The following CCDC175 variants were observed in gnomAD, a reference collection of about 807,000 sequenced individuals.
CCDC175 encodes the protein coiled-coil domain containing 175, also known as coiled-coil domain-containing protein 175.
Under a neutral mutation model 114.6 loss-of-function variants are expected in CCDC175, and 100 were observed. The observed-to-expected ratio is 0.87, with a 90% CI of 0.74 to 1.03. The LOEUF is 1.03. Among genes scored for constraint, CCDC175 ranks in the 50% least tolerant of loss-of-function variants. The probability of loss-of-function intolerance (pLI) is 0.00; values close to 1 mark genes in which losing one functional copy is unlikely to be tolerated. For missense variants in CCDC175, 880 were observed against 917.8 expected (o/e 0.96, Z 0.53); for synonymous variants, 306 against 308.7 (o/e 0.99, Z 0.09).
Position 59,568,245 on chromosome 14 carries a change from C to A in CCDC175, c.491G>T (p.Gly164Val), listed in dbSNP as rs778335225. The A allele has an allele frequency of 6.5e-7, 1 of 1,527,524 alleles. No homozygotes were observed. Among genetic ancestry groups the A allele is most frequent in the Admixed American group, 2.1e-5 (1 of 48,152 alleles). The allele number at this position is 1,527,524 out of a possible 1,614,324, so 94.6% of individuals were successfully genotyped here. ...TDLTKYNEAL[G>V]EKQEELARKH... ...AAATACTGAATATAAGAATACCTACCCCAGAGCTTCATTATATTTTGTCAG... is the reference window on the plus strand; with the variant it reads ...AAATACTGAATATAAGAATACCTACACCAGAGCTTCATTATATTTTGTCAG... The change falls in exon 4 of 20, where the codon GGG (glycine) becomes GTG (valine). Residue 164 changes from glycine (G) to valine (V), a missense_variant and splice_region_variant. By Grantham distance (109) the Gly-to-Val change is moderately radical (BLOSUM62 -3). Transcript: ENST00000537690.
Position 59,510,654 on chromosome 14 carries a change from T to A in CCDC175, c.2297A>T (p.Asp766Val). 1 of 1,537,150 alleles carries A rather than the reference T, an allele frequency of 6.5e-7. No homozygotes were observed. The highest frequency in any genetic ancestry group is 8.7e-7 in the Non-Finnish European group (1 of 1,146,848). ...RLLVEQESPM[D>V]LLKKKKHIRT... ...TCTAAGCTGTTGCTTACTAAGAAGGTCCATTGGTGATTCCTGTTCCACAAG... is the reference window on the plus strand; with the variant it reads ...TCTAAGCTGTTGCTTACTAAGAAGGACCATTGGTGATTCCTGTTCCACAAG... Residue 766 changes from aspartate to valine, a missense_variant, in exon 19 of 20, where the codon GAC becomes GTC. Physicochemically the swap from Asp to Val is radical, Grantham distance 152. Transcript: ENST00000537690.
intron 7 of CCDC175, among the ~76,000 whole-genome samples, chr14:59,553,446 C>A (rs1186430108): frequency 6.6e-6 from 1 of 152,188 alleles, no homozygotes; most frequent in East Asian, 1.9e-4. Flanking sequence ...GCCTGCCCTA[C>A]AAGAGCTCTT....
At chr14:59,531,288 G>A (rs762238586) in intron 14 of CCDC175, among the ~76,000 whole-genome samples, 34 of 151,852 alleles carry the variant, frequency 2.2e-4, no homozygotes, top group African/African-American at 5.6e-4. Flanking sequence ...CATATTTCAC[G>A]TCCTCTACTA....
At chr14:59,546,611 T>C (rs555765314) in intron 8 of CCDC175, among the ~76,000 whole-genome samples, 1 of 151,680 alleles carries the variant, frequency 6.6e-6, no homozygotes, top group South Asian at 2.1e-4. Flanking sequence ...AAAACCAAGT[T>C]TTGGGTTTTT....
At chr14:59,517,271 G>A (rs1230998215) in intron 17 of CCDC175, among the ~76,000 whole-genome samples, 1 of 152,194 alleles carries the variant, frequency 6.6e-6, no homozygotes, top group African/African-American at 2.4e-5. Flanking sequence ...AGACAGGGAT[G>A]CCCTCTCTCA....
At chr14:59,576,069 A>G (rs1897103579) in intron 1 of CCDC175, among the ~76,000 whole-genome samples, 1 of 152,192 alleles carries the variant, frequency 6.6e-6, no homozygotes, top group Non-Finnish European at 1.5e-5. Flanking sequence ...ACTTGATTAC[A>G]GGTTCAGCTT....
chr14:59,525,211 CTCTTA>C (rs964177770), intron 16 of CCDC175, 66 bp downstream of exon 16: 228 of 1,147,180 alleles, frequency 2.0e-4, no homozygotes, highest in Non-Finnish European at 2.5e-4. Flanking sequence ...CTCTTCTTTT[CTCTTA>C]TAACTATTAC....
intron 14 of CCDC175, among the ~76,000 whole-genome samples, chr14:59,531,305 A>G (rs1894056221): frequency 2.0e-5 from 3 of 152,152 alleles, no homozygotes; most frequent in African/African-American, 7.2e-5. Flanking sequence ...ACTAACTCTC[A>G]GATCTGAGAC....
intron 9 of CCDC175, 27 bp downstream of exon 9, chr14:59,545,136 G>T: frequency 6.5e-7 from 1 of 1,527,350 alleles, no homozygotes; most frequent in South Asian, 1.2e-5. Flanking sequence ...ATGGCATGTT[G>T]AATCACACGT....
chr14:59,530,697 T>G (rs1894019284), intron 14 of CCDC175, among the ~76,000 whole-genome samples: 1 of 151,990 alleles, frequency 6.6e-6, no homozygotes, highest in South Asian at 2.1e-4. Context: ...CAATAATCAC[T>G]ATTCACTTCT....
At chr14:59,554,641 CA>C (rs1895754520) in intron 7 of CCDC175, among the ~76,000 whole-genome samples, 1 of 152,062 alleles carries the variant, frequency 6.6e-6, no homozygotes, top group African/African-American at 2.4e-5. Context: ...GAAATAGAGA[CA>C]TAAAAAACCC....
At chr14:59,541,308 C>G (rs1250187529) in intron 10 of CCDC175, among the ~76,000 whole-genome samples, 1 of 152,110 alleles carries the variant, frequency 6.6e-6, no homozygotes, top group Non-Finnish European at 1.5e-5. Flanking sequence ...GGGAAAAGTA[C>G]TAACTAAGGA....
intron 19 of CCDC175, among the ~76,000 whole-genome samples, chr14:59,506,359 C>G (rs1892390942): frequency 6.7e-6 from 1 of 149,978 alleles, no homozygotes; most frequent in South Asian, 2.1e-4. Flanking sequence ...GCGATCTCGG[C>G]TCACTGCAAC....
rs1478854995 is a variant in CCDC175, at chr14:59,505,217, T to C, written c.*22A>G. The C allele has an allele frequency of 5.3e-6, 7 of 1,314,768 alleles. No homozygotes were observed. The highest frequency in any genetic ancestry group is 7.2e-6 in the Non-Finnish European group (7 of 972,502). The allele number at this position is 1,314,768 out of a possible 1,614,324, so 81.4% of individuals were successfully genotyped here. The stretch of plus-strand genomic sequence containing the variant: ...TCCTGTAGTAGTCTGTCTTTTGAAT[T>C]CACAGCAGTTGTATCCTTGAGTTAC... On this transcript the variant is annotated 3_prime_UTR_variant, in exon 20 of 20. Transcript: ENST00000537690.
At chr14:59,524,384 C>A (rs1368085467) in intron 16 of CCDC175, among the ~76,000 whole-genome samples, 1 of 152,052 alleles carries the variant, frequency 6.6e-6, no homozygotes, top group Admixed American at 6.5e-5. Flanking sequence ...ATAAAAAGAG[C>A]TATAATCAGT....
chr14:59,568,558 T>C (rs1349624301), intron 3 of CCDC175, among the ~76,000 whole-genome samples, 178 bp from the exon 4 acceptor site: 1 of 152,228 alleles, frequency 6.6e-6, no homozygotes, highest in African/African-American at 2.4e-5. Flanking sequence ...TTATTTCTGC[T>C]GCTGCTCTGG....
rs1768777514 is a variant in CCDC175, at chr14:59,531,888, T to C, written c.1646A>G (p.Gln549Arg). The C allele has an allele frequency of 8.1e-7, 1 of 1,237,138 alleles. No individual in the cohort carries two copies. Among genetic ancestry groups the C allele is most frequent in the African/African-American group, 1.5e-5 (1 of 66,192 alleles). 76.6% of individuals were successfully genotyped at this position (1,237,138 alleles called of 1,614,324 possible). A position where few individuals can be genotyped will look rare whatever the true frequency, so the allele number is the denominator to read the frequency against. The change falls in exon 14 of 20, where the codon CAA (glutamine) becomes CGA (arginine). Residue 549 changes from glutamine to arginine, a missense_variant. By Grantham distance (43) the Gln-to-Arg change is conservative (BLOSUM62 1). Coordinates refer to ENST00000537690, the MANE Select transcript of CCDC175 (RefSeq NM_001164399.2). ...TTCTTCTTCCTTTTCTTTGTTAATTTGTGTTTCCTTAACAAATATTTCCTT... is the reference window on the plus strand; with the variant it reads ...TTCTTCTTCCTTTTCTTTGTTAATTCGTGTTTCCTTAACAAATATTTCCTT... ...KYEEIFVKET[Q>R]INKEKEEELV... is the part of the protein sequence containing the mutation.
At chr14:59,528,485 G>A (rs990148527) in intron 14 of CCDC175, among the ~76,000 whole-genome samples, 1 of 151,892 alleles carries the variant, frequency 6.6e-6, no homozygotes, top group Non-Finnish European at 1.5e-5. Context: ...TCATTGTCAG[G>A]CAGTTTCTAC....
At chr14:59,550,342 G>A (rs1895391824) in intron 8 of CCDC175, among the ~76,000 whole-genome samples, 1 of 151,958 alleles carries the variant, frequency 6.6e-6, no homozygotes, top group Non-Finnish European at 1.5e-5. Flanking sequence ...CTATCCTAAT[G>A]AAGGCTTCAT....
Sources: gnomAD v4.1 joint callset for allele counts (sites outside exome capture counted in the v4.1 genomes callset) on GRCh38, gnomAD v4.1.1 for gene constraint, MANE v1.5 for transcripts, NCBI Gene and HGNC (gene_info 2026-07-23, HGNC 2026-07-21) for gene names.